NLRP14: variants seen among roughly 807,000 people sequenced by gnomAD.
NLRP14 encodes the protein NLR family pyrin domain containing 14, also known as NACHT, LRR and PYD domains-containing protein 14.
In NLRP14, 105 loss-of-function variants were observed where a neutral mutation model predicts 94.7. The ratio of observed to expected loss-of-function variants is 1.11; its 90% CI spans 0.95 to 1.30. The LOEUF (loss-of-function observed/expected upper bound fraction) is 1.30, where lower values mean the gene tolerates loss of function less well. Among genes scored for constraint, NLRP14 ranks in the 50% most tolerant of loss-of-function variants. The pLI, the probability that NLRP14 is intolerant of heterozygous loss-of-function variation, is 0.00. For synonymous variants in NLRP14, 508 were observed against 459.9 expected (o/e 1.10, Z -1.34); for missense variants, 1,362 against 1,254.1 (o/e 1.09, Z -1.30).
At chr11:7,028,828 A>G (rs1164060458) in intron 1 of NLRP14, among the ~76,000 whole-genome samples, 4 of 152,206 alleles carry the variant, frequency 2.6e-5, no homozygotes, top group African/African-American at 9.6e-5. Context: ...TTAGGTACTG[A>G]GAATTAAAAA....
rs750867126 is a variant in NLRP14, at chr11:7,038,489, A to G, written c.-21-77A>G. The G allele has an allele frequency of 7.6e-6, 9 of 1,189,528 alleles. No homozygotes were observed. In the Admixed American group the frequency reaches 1.2e-4, roughly 16 times the overall value. 73.7% of individuals were successfully genotyped at this position (1,189,528 alleles called of 1,614,324 possible). On this transcript the variant is annotated intron_variant, in intron 1 of 11. Transcript: ENST00000299481. Reference sequence around the variant, plus strand: ...GTTTGTTAAATTAATCTATATAAGTATTTCATTTTCAAATCTGTCTTTTTC... The same window carrying G: ...GTTTGTTAAATTAATCTATATAAGTGTTTCATTTTCAAATCTGTCTTTTTC...
Position 7,042,683 on chromosome 11 carries a change from A to G in NLRP14, c.657A>G (p.Arg219=). The G allele has an allele frequency of 1.9e-6, 3 of 1,614,224 alleles. No individual in the cohort carries two copies. Among genetic ancestry groups the G allele is most frequent in the Middle Eastern group, 3.3e-4 (2 of 6,062 alleles). The change falls in exon 4 of 12, where the codon AGA becomes AGG. Residue 219 remains arginine, a synonymous_variant. Transcript: ENST00000299481. ...AGTATGTTTTTTATCTCAATGGGAG[A>G]GAAATTAACCAGCTGAAAGAGAGAA... is the stretch of plus-strand genomic sequence containing the variant. ...RFKYVFYLNG[R]EINQLKERSF...
chr11:7,083,242 T>C, the NLRP14 span, among the ~76,000 whole-genome samples: 1 of 152,236 alleles, frequency 6.6e-6, no homozygotes, highest in Non-Finnish European at 1.5e-5. Context: ...GTAAGCCAGC[T>C]CTTCATGCTT....
At chr11:7,067,187 T>C (rs1852717863) in intron 10 of NLRP14, among the ~76,000 whole-genome samples, 1 of 152,204 alleles carries the variant, frequency 6.6e-6, no homozygotes. Flanking sequence ...CTATACGGGC[T>C]CTTTTTTGGT....
rs150404465 is a variant in NLRP14 at position 7,042,478 on chromosome 11, A to G, written c.452A>G (p.His151Arg). Residue 151 changes from histidine to arginine, a missense_variant, in exon 4 of 12, where the codon CAT becomes CGT. His to Arg is a conservative substitution (Grantham distance 29). Transcript: ENST00000299481. Reference protein sequence around the residue: ...KSLAGKPEDFHHGIAEKDRKL... With the variant: ...KSLAGKPEDFRHGIAEKDRKL... ...TTGGCTGGAAAGCCTGAAGATTTCC[A>G]TCATGGAATTGCAGAGAAAGATAGA... 2.8e-5 allele frequency: 46 copies of G among 1,614,136 alleles called. No individual in the cohort carries two copies. Among genetic ancestry groups the G allele is most frequent in the Middle Eastern group, 3.3e-4 (2 of 6,062 alleles).
intron 2 of NLRP14, among the ~76,000 whole-genome samples, chr11:7,039,366 TA>T (rs1852212386): frequency 6.6e-6 from 1 of 151,692 alleles, no homozygotes; most frequent in Non-Finnish European, 1.5e-5. Flanking sequence ...GTTATATATA[TA>T]TATGTATATA....
chr11:7,070,373 G>T lies in NLRP14; in HGVS notation c.3063G>T (p.Leu1021=), dbSNP rs1277277402. The part of the protein sequence containing the change: ...ICNKRLIKMN[L]TQNTLGYEGI... ...ACAAAAGACTGATAAAAATGAATCT[G>T]ACACAGAATACCTTAGGATATGAAG... The change falls in exon 11 of 12, where the codon CTG becomes CTT. Residue 1021 remains leucine (L), a synonymous_variant. Coordinates refer to ENST00000299481, the MANE Select transcript of NLRP14 (RefSeq NM_176822.4). 5.0e-6 allele frequency: 8 copies of T among 1,608,508 alleles called. No homozygotes were observed. Among genetic ancestry groups the T allele is most frequent in the Non-Finnish European group, 6.8e-6 (8 of 1,175,204 alleles).
At chr11:7,063,910 G>A (rs894460923) in intron 10 of NLRP14, among the ~76,000 whole-genome samples, 1 of 151,980 alleles carries the variant, frequency 6.6e-6, no homozygotes, top group African/African-American at 2.4e-5. Context: ...GCCATTCTTT[G>A]GTGTCACTGG....
chr11:7,038,635 T>C lies in NLRP14; in HGVS notation c.49T>C (p.Leu17=), dbSNP rs1852196960. ...SSFFPDFGLL[L]YLEELNKEEL... is the part of the protein sequence containing the mutation. The stretch of plus-strand genomic sequence containing the variant: ...TTTCTTTCCTGATTTTGGGCTGCTA[T>C]TGTATTTGGAGGAGCTAAACAAAGA... The change falls in exon 2 of 12, where the codon TTG becomes CTG. Residue 17 remains leucine, a synonymous_variant. Coordinates refer to ENST00000299481, the MANE Select transcript of NLRP14 (RefSeq NM_176822.4). 1 of 1,614,096 alleles carries C rather than the reference T, an allele frequency of 6.2e-7. No homozygotes were observed.
intron 1 of NLRP14, among the ~76,000 whole-genome samples, chr11:7,026,533 T>C (rs547718506): frequency 1.1e-3 from 164 of 151,952 alleles, no homozygotes; most frequent in African/African-American, 3.7e-3. Flanking sequence ...TGTGGAGAAA[T>C]AGGAACACTT....
the NLRP14 span, chr11:7,089,097 T>C: frequency 6.2e-7 from 1 of 1,608,278 alleles, no homozygotes; most frequent in Non-Finnish European, 8.5e-7. Context: ...CCACCGCCAC[T>C]GACCGACCGT....
intron 1 of NLRP14, among the ~76,000 whole-genome samples, chr11:7,022,541 T>C (rs745894969): frequency 6.6e-5 from 10 of 152,310 alleles, no homozygotes; most frequent in African/African-American, 2.4e-4. Flanking sequence ...AAGATCCTGA[T>C]GAAAAGGGAA....
chr11:7,059,794 C>A, intron 8 of NLRP14, 100 bp from the exon 9 acceptor site: 1 of 1,053,580 alleles, frequency 9.5e-7, no homozygotes, highest in Non-Finnish European at 1.4e-6. Context: ...GGAATGTTGG[C>A]AAATAGATAA....
chr11:7,058,522 T>A, intron 8 of NLRP14, 72 bp downstream of exon 8: 1 of 1,140,074 alleles, frequency 8.8e-7, no homozygotes, highest in Non-Finnish European at 1.3e-6. Flanking sequence ...AGTAAAATAT[T>A]ATGAACACAT....
intron 3 of NLRP14, among the ~76,000 whole-genome samples, chr11:7,041,602 T>A (rs1016071525): frequency 6.6e-6 from 1 of 152,212 alleles, no homozygotes; most frequent in Admixed American, 6.5e-5. Context: ...TTGACACTTA[T>A]GTGCACGGAA....
At chr11:7,082,535 C>T in the NLRP14 span, among the ~76,000 whole-genome samples, 1 of 152,156 alleles carries the variant, frequency 6.6e-6, no homozygotes, top group African/African-American at 2.4e-5. Context: ...GATGGTTTCA[C>T]CCTTCGAGGC....
chr11:7,035,032 C>G (rs1852142213), intron 1 of NLRP14, among the ~76,000 whole-genome samples: 1 of 152,120 alleles, frequency 6.6e-6, no homozygotes, highest in East Asian at 1.9e-4. Context: ...TGCCTGTCAC[C>G]TGTAATCCCA....
chr11:7,035,818 A>G (rs1353187186), intron 1 of NLRP14, among the ~76,000 whole-genome samples: 1 of 152,182 alleles, frequency 6.6e-6, no homozygotes, highest in Non-Finnish European at 1.5e-5. Context: ...TGTTCAGCAT[A>G]GGGTCTGCTA....
chr11:7,090,745 G>C, the NLRP14 span: 1 of 185,366 alleles, frequency 5.4e-6, no homozygotes, highest in Non-Finnish European at 1.3e-5. Flanking sequence ...CTACTCTTAA[G>C]ATTTCAGGGT....
Sources: allele counts gnomAD v4.1 joint callset (sites outside exome capture counted in the v4.1 genomes callset), GRCh38; gene constraint gnomAD v4.1.1; transcripts MANE v1.5; gene names NCBI Gene and HGNC (gene_info 2026-07-23, HGNC 2026-07-21).